The following FHIT variants were observed in gnomAD, a reference collection of about 807,000 sequenced individuals.
FHIT encodes the protein fragile histidine triad diadenosine triphosphatase.
Under a neutral mutation model 17.9 loss-of-function variants are expected in FHIT, and 19 were observed. That is an observed-to-expected ratio of 1.06 (90% CI 0.74 to 1.56). FHIT has a LOEUF of 1.56. Ranked by LOEUF, FHIT falls within the 40% of genes most tolerant of loss-of-function variation. The probability of loss-of-function intolerance (pLI) is 0.00; values close to 1 mark genes in which losing one functional copy is unlikely to be tolerated. For missense variants in FHIT, 248 were observed against 189.2 expected (o/e 1.31, Z -1.82); for synonymous variants, 81 against 69.7 (o/e 1.16, Z -0.81).
chr3:60,437,357 T>TAA (rs1161471683), intron 5 of FHIT, among the ~76,000 whole-genome samples: 1 of 152,106 alleles, frequency 6.6e-6, no homozygotes, highest in Non-Finnish European at 1.5e-5. Context: ...AATACTCCAT[T>TAA]AAGTTATAAA....
At chr3:61,186,316 T>C (rs1230682670) in intron 2 of FHIT, among the ~76,000 whole-genome samples, 2 of 152,206 alleles carry the variant, frequency 1.3e-5, no homozygotes, top group Non-Finnish European at 2.9e-5. Context: ...CCAAGCAAGA[T>C]TAAGTAGAAT....
intron 5 of FHIT, among the ~76,000 whole-genome samples, chr3:60,499,621 C>A (rs952825839): frequency 8.5e-5 from 13 of 152,070 alleles, no homozygotes; most frequent in Non-Finnish European, 1.3e-4. Flanking sequence ...CCTCGTGATC[C>A]GCCCGCCTCG....
At position 59,870,878 on chromosome 3, in the gene FHIT, T is replaced by C. The variant is rs1702891419; in HGVS notation, c.348+51468A>G. Among the ~76,000 whole-genome samples the C allele has an allele frequency of 2.0e-5, 3 of 151,758 alleles. No individual in the cohort carries two copies. The South Asian group carries it at 6.2e-4, about 32-fold the overall frequency. Reference sequence around the variant, plus strand: ...GGGCGTGTGTGTGTGTGTGTGCGTGTGTGTGTGTGTGTGTATTTAACCTCT... The same window carrying C: ...GGGCGTGTGTGTGTGTGTGTGCGTGCGTGTGTGTGTGTGTATTTAACCTCT... On this transcript the variant is annotated intron_variant, in intron 8 of 9. Transcript: ENST00000492590.
intron 4 of FHIT, among the ~76,000 whole-genome samples, chr3:60,785,860 C>T (rs66487729): frequency 0.055 from 8,320 of 150,056 alleles, 253 homozygotes; most frequent in South Asian, 0.096. Context: ...CAGCTTCATG[C>T]TAGAAATAAA....
chr3:60,029,756 G>T (rs192096944), intron 5 of FHIT, among the ~76,000 whole-genome samples: 8 of 152,192 alleles, frequency 5.3e-5, no homozygotes, highest in African/African-American at 1.4e-4. Context: ...TTTTTAAAGG[G>T]CAAGTGAGGA....
chr3:60,602,347 C>A (rs556621194), intron 4 of FHIT, among the ~76,000 whole-genome samples: 2 of 152,204 alleles, frequency 1.3e-5, no homozygotes, highest in East Asian at 3.9e-4. Flanking sequence ...CAGCAACAGC[C>A]AATCTCGGAA....
chr3:60,051,383 C>T (rs1701872076), intron 5 of FHIT, among the ~76,000 whole-genome samples: 1 of 147,872 alleles, frequency 6.8e-6, no homozygotes, highest in South Asian at 2.2e-4. Flanking sequence ...AGGCTGCCAA[C>T]TGATCAGACC....
chr3:59,858,384 G>C (rs531896504), intron 8 of FHIT, among the ~76,000 whole-genome samples: 2 of 151,434 alleles, frequency 1.3e-5, no homozygotes, highest in South Asian at 2.1e-4. Context: ...CCGCCACTAC[G>C]CCTGGCTAAT....
chr3:61,177,936 T>G (rs1337122497), intron 2 of FHIT, among the ~76,000 whole-genome samples: 1 of 152,152 alleles, frequency 6.6e-6, no homozygotes, highest in African/African-American at 2.4e-5. Flanking sequence ...CACCACTTTC[T>G]GGGTTTTTTT....
chr3:60,044,371 G>A lies in FHIT; in HGVS notation c.104-30219C>T, dbSNP rs184827012. Among the ~76,000 whole-genome samples, 17 of 152,286 alleles carry A rather than the reference G, an allele frequency of 1.1e-4. No individual in the cohort carries two copies. The East Asian group carries it at 3.1e-3, about 28-fold the overall frequency. On this transcript the variant is annotated intron_variant, in intron 5 of 9. Transcript: ENST00000492590. ...TCTTCAAACTTCTAAGTAGAACAGA[G>A]CACTCCCAAAGCATGCAGAACCCCC...
In FHIT at chr3:60,014,327, C is replaced by T. The variant is rs1700258825; in HGVS notation, c.104-175G>A. On this transcript the variant is annotated intron_variant, in intron 5 of 9. Coordinates refer to ENST00000492590, the MANE Select transcript of FHIT (RefSeq NM_002012.4). ...ACTCCAGAGAGTTGAAAGAGAGCTC[C>T]CATACATGGATAATTACACTTTGAA... is the stretch of plus-strand genomic sequence containing the variant. Among the ~76,000 whole-genome samples the T allele has an allele frequency of 2.0e-5, 3 of 152,138 alleles. No individual in the cohort carries two copies. The South Asian group carries it at 6.2e-4, about 32-fold the overall frequency.
intron 2 of FHIT, among the ~76,000 whole-genome samples, chr3:61,056,141 G>A (rs1187839032): frequency 6.6e-6 from 1 of 152,174 alleles, no homozygotes; most frequent in African/African-American, 2.4e-5. Flanking sequence ...GTCTTTACCT[G>A]TTGGGTGGGA....
intron 5 of FHIT, among the ~76,000 whole-genome samples, chr3:60,283,119 C>G (rs1281505217): frequency 6.6e-6 from 1 of 152,060 alleles, no homozygotes; most frequent in Non-Finnish European, 1.5e-5. Flanking sequence ...TGTTCATGTT[C>G]TCCAGTAACA....
intron 5 of FHIT, among the ~76,000 whole-genome samples, chr3:60,299,451 C>A (rs1226694946): frequency 6.6e-6 from 1 of 152,038 alleles, no homozygotes; most frequent in African/African-American, 2.4e-5. Context: ...CTTGATTTCC[C>A]TTTCATATTT....
intron 5 of FHIT, among the ~76,000 whole-genome samples, chr3:60,210,621 C>T (rs1009686429): frequency 1.3e-5 from 2 of 152,014 alleles, no homozygotes; most frequent in African/African-American, 4.8e-5. Flanking sequence ...TAAATAAATG[C>T]AAATGGGCCT....
rs927728302 is a variant in FHIT, at chr3:60,376,458, C to T, written c.103+160402G>A. ...AAAAATCAGTGGTAAAATGTGGTTG[C>T]CACAGATTTTTCATAAACACAAACA... On this transcript the variant is annotated intron_variant, in intron 5 of 9. Transcript: ENST00000492590. 2.6e-5 allele frequency among the ~76,000 whole-genome samples: 4 copies of T among 152,126 alleles called. No homozygotes were observed. The South Asian group carries it at 6.2e-4, about 24-fold the overall frequency.
At chr3:60,957,393 A>G (rs1709221308) in intron 3 of FHIT, among the ~76,000 whole-genome samples, 2 of 151,678 alleles carry the variant, frequency 1.3e-5, no homozygotes, top group African/African-American at 2.4e-5. Flanking sequence ...ACGTGCCACC[A>G]CACCTGGCTA....
At chr3:60,026,696 T>A (rs1016048836) in intron 5 of FHIT, among the ~76,000 whole-genome samples, 15 of 152,334 alleles carry the variant, frequency 9.8e-5, no homozygotes, top group African/African-American at 2.6e-4. Context: ...GGAAAAATAT[T>A]GTAAATATTT....
intron 4 of FHIT, among the ~76,000 whole-genome samples, chr3:60,552,878 A>G (rs1418592338): frequency 6.6e-6 from 1 of 152,200 alleles, no homozygotes; most frequent in African/African-American, 2.4e-5. Context: ...CTTCATGGTT[A>G]TCTGCATGTC....
Sources: allele counts gnomAD v4.1 joint callset (sites outside exome capture counted in the v4.1 genomes callset), GRCh38; gene constraint gnomAD v4.1.1; transcripts MANE v1.5; gene names NCBI Gene and HGNC (gene_info 2026-07-23, HGNC 2026-07-21).